ANKS1B: variants seen among roughly 807,000 people sequenced by gnomAD.
ANKS1B encodes the protein ankyrin repeat and sterile alpha motif domain-containing protein 1B.
Under a neutral mutation model 148.3 loss-of-function variants are expected in ANKS1B, and 36 were observed. The observed-to-expected ratio is 0.24, with a 90% CI of 0.19 to 0.32. The LOEUF is 0.32. Among genes scored for constraint, ANKS1B ranks in the 10% least tolerant of loss-of-function variants. The pLI is 1.00. For synonymous variants in ANKS1B, 542 were observed against 560.8 expected, an observed-to-expected ratio of 0.97 and a Z score of 0.47; for missense variants, 1,157 against 1,542.6, an observed-to-expected ratio of 0.75 and a Z score of 4.19.
At chr12:98,985,052 T>C (rs1041118521) in intron 17 of ANKS1B, among the ~76,000 whole-genome samples, 1 of 152,196 alleles carries the variant, frequency 6.6e-6, no homozygotes, top group African/African-American at 2.4e-5. Context: ...TGGAAGTTCT[T>C]GTAGACAAAT....
At chr12:99,564,108 T>C (rs2097364685) in intron 9 of ANKS1B, among the ~76,000 whole-genome samples, 1 of 152,184 alleles carries the variant, frequency 6.6e-6, no homozygotes, top group Non-Finnish European at 1.5e-5. Context: ...ACAAACAGGA[T>C]TGCAATCAAA....
At chr12:99,792,628 A>G (rs2065797503) in intron 4 of ANKS1B, among the ~76,000 whole-genome samples, 1 of 151,978 alleles carries the variant, frequency 6.6e-6, no homozygotes, top group Non-Finnish European at 1.5e-5. Context: ...ATTTTGACTA[A>G]TGCTGAAAAC....
intron 17 of ANKS1B, among the ~76,000 whole-genome samples, chr12:98,876,630 T>C (rs1434690519): frequency 6.6e-6 from 1 of 152,190 alleles, no homozygotes; most frequent in Non-Finnish European, 1.5e-5. Flanking sequence ...ACAATACTTA[T>C]CCAAAGCCTG....
intron 15 of ANKS1B, among the ~76,000 whole-genome samples, chr12:99,139,778 A>G (rs1435120381): frequency 6.6e-6 from 1 of 151,962 alleles, no homozygotes; most frequent in Non-Finnish European, 1.5e-5. Flanking sequence ...CACATTTAGC[A>G]CAGTTAGATG....
At chr12:99,414,286 A>G (rs73151183) in intron 11 of ANKS1B, among the ~76,000 whole-genome samples, 15,478 of 152,096 alleles carry the variant, frequency 0.1, 809 homozygotes, top group Non-Finnish European at 0.13. Flanking sequence ...CCATTTCTCT[A>G]GGCCTTAAGT....
At chr12:99,875,683 AT>A (rs751758479) in intron 1 of ANKS1B, among the ~76,000 whole-genome samples, 7 of 152,168 alleles carry the variant, frequency 4.6e-5, no homozygotes, top group Non-Finnish European at 7.4e-5. Context: ...ACTTAAAGAT[AT>A]TTTCCTGAAA....
At chr12:99,186,870 A>G (rs1158767123) in intron 14 of ANKS1B, among the ~76,000 whole-genome samples, 1 of 151,962 alleles carries the variant, frequency 6.6e-6, no homozygotes, top group African/African-American at 2.4e-5. Flanking sequence ...TGGATGGAGA[A>G]TGAGTTTGAC....
chr12:99,688,041 A>T (rs2098659256), intron 8 of ANKS1B, among the ~76,000 whole-genome samples: 1 of 152,210 alleles, frequency 6.6e-6, no homozygotes, highest in South Asian at 2.1e-4. Context: ...AGGCCACATT[A>T]TCCCCATTAT....
intron 17 of ANKS1B, among the ~76,000 whole-genome samples, chr12:98,933,731 T>A (rs955326833): frequency 1.3e-5 from 2 of 152,104 alleles, no homozygotes; most frequent in African/African-American, 4.8e-5. Context: ...TTGACTTGCA[T>A]TTCCCTGATG....
chr12:99,951,828 G>A (rs1396317446), intron 1 of ANKS1B, among the ~76,000 whole-genome samples: 1 of 152,194 alleles, frequency 6.6e-6, no homozygotes, highest in African/African-American at 2.4e-5. Flanking sequence ...GGAGGTTACA[G>A]TAAGCTGTGA....
intron 9 of ANKS1B, among the ~76,000 whole-genome samples, chr12:98,738,902 C>G (rs1251885247): frequency 1.3e-5 from 2 of 152,318 alleles, no homozygotes; most frequent in East Asian, 1.9e-4. Context: ...TATTGCCCTA[C>G]TTGCTGTCAA....
At chr12:99,279,920 C>G (rs1381644103) in intron 12 of ANKS1B, among the ~76,000 whole-genome samples, 1 of 152,036 alleles carries the variant, frequency 6.6e-6, no homozygotes, top group African/African-American at 2.4e-5. Flanking sequence ...CGGAGGATCA[C>G]CTGAGCCTGG....
chr12:98,737,684 A>C (rs2097780218), intron 9 of ANKS1B, among the ~76,000 whole-genome samples: 1 of 152,260 alleles, frequency 6.6e-6, no homozygotes, highest in South Asian at 2.1e-4. Flanking sequence ...TGTCAAATGA[A>C]GATGTAGCAT....
intron 4 of ANKS1B, among the ~76,000 whole-genome samples, chr12:99,791,887 A>G (rs551345697): frequency 2.6e-5 from 4 of 152,010 alleles, no homozygotes; most frequent in African/African-American, 9.6e-5. Flanking sequence ...TAAGAGAAGA[A>G]AAGAAATAAT....
intron 14 of ANKS1B, among the ~76,000 whole-genome samples, chr12:99,205,519 C>T (rs1337208247): frequency 1.3e-5 from 2 of 152,192 alleles, no homozygotes; most frequent in African/African-American, 4.8e-5. Context: ...ATCCCAAGAC[C>T]TCTTGGGGAA....
At chr12:99,526,789 T>G (rs2096931073) in intron 9 of ANKS1B, among the ~76,000 whole-genome samples, 1 of 152,152 alleles carries the variant, frequency 6.6e-6, no homozygotes, top group Admixed American at 6.6e-5. Flanking sequence ...TTAAACTATG[T>G]CCTCCCAAAA....
intron 1 of ANKS1B, among the ~76,000 whole-genome samples, chr12:99,889,693 T>A (rs2092999934): frequency 6.6e-6 from 1 of 152,204 alleles, no homozygotes; most frequent in East Asian, 1.9e-4. Context: ...AAGGGAAATA[T>A]AAGTTTGTGC....
In ANKS1B at chr12:98,927,538, A is replaced by G. The variant is rs1172397268; in HGVS notation, c.2779-95402T>C. Among the ~76,000 whole-genome samples the G allele has an allele frequency of 2.0e-5, 3 of 152,126 alleles. No individual in the cohort carries two copies. In the South Asian group the frequency reaches 6.2e-4, roughly 31 times the overall value. On this transcript the variant is annotated intron_variant, in intron 17 of 26. Transcript: ENST00000683438. ...ATGACAAGCTGTTTGATAGGCTTAT[A>G]ATTTATAAATATATACTTTTTTAAT... is the stretch of plus-strand genomic sequence containing the variant.
At chr12:99,445,670 A>G (rs1025737833) in intron 10 of ANKS1B, among the ~76,000 whole-genome samples, 2 of 152,072 alleles carry the variant, frequency 1.3e-5, no homozygotes, top group Non-Finnish European at 2.9e-5. Flanking sequence ...AATAAAATCT[A>G]TGAATTTTTT....
Sources: allele counts gnomAD v4.1 joint callset (sites outside exome capture counted in the v4.1 genomes callset), GRCh38; gene constraint gnomAD v4.1.1; transcripts MANE v1.5; gene names NCBI Gene and HGNC (gene_info 2026-07-23, HGNC 2026-07-21).